MKNK2: variants seen among roughly 807,000 people sequenced by gnomAD.
The protein encoded by MKNK2 is MAPK interacting serine/threonine kinase 2.
Under a neutral mutation model 55.0 loss-of-function variants are expected in MKNK2, and 54 were observed. That is an observed-to-expected ratio of 0.98 (90% confidence interval 0.79 to 1.23). The LOEUF (loss-of-function observed/expected upper bound fraction) is 1.23. Among genes scored for constraint, MKNK2 ranks in the 50% most tolerant of loss-of-function variants. The pLI is 0.00. For missense variants in MKNK2, 685 were observed against 632.1 expected (o/e 1.08, Z -0.90); for synonymous variants, 323 against 256.0 (o/e 1.26, Z -2.50).
chr19:2,038,964 C>G lies in MKNK2; in HGVS notation c.*649G>C, dbSNP rs954836017. ...GACAGACGGGCCTTGCAGGAAGCCC[C>G]GATTGTCAACTATCATGGGGACAAG... On this transcript the variant is annotated 3_prime_UTR_variant, in exon 14 of 14. Transcript: ENST00000250896. The G allele has an allele frequency of 1.0e-6, 1 of 985,464 alleles. No homozygotes were observed. Among genetic ancestry groups the G allele is most frequent in the Admixed American group, 6.2e-5 (1 of 16,230 alleles). The allele number at this position is 985,464 out of a possible 1,614,324, so 61.0% of individuals were successfully genotyped here.
intron 2 of MKNK2, 144 bp downstream of exon 2, chr19:2,050,657 C>A: frequency 1.4e-6 from 1 of 699,366 alleles, no homozygotes; most frequent in East Asian, 3.4e-5. Flanking sequence ...CTTCAGCGCA[C>A]GGCCGGCCCG....
In MKNK2 at chr19:2,039,178, G is replaced by C. The variant is rs956215978; in HGVS notation, c.*435C>G. The C allele has an allele frequency of 9.9e-7, 1 of 1,005,224 alleles. No individual in the cohort carries two copies. Among genetic ancestry groups the C allele is most frequent in the Non-Finnish European group, 1.2e-6 (1 of 842,674 alleles). The allele number at this position is 1,005,224 out of a possible 1,614,324, so 62.3% of individuals were successfully genotyped here. On this transcript the variant is annotated 3_prime_UTR_variant, in exon 14 of 14. Coordinates refer to ENST00000250896, the MANE Select transcript of MKNK2 (RefSeq NM_199054.3). ...AATACTGCGGGCTGGGAGGGAACAC[G>C]AGGGCAGGGTCCTGTGCCCCTCCCC...
intron 5 of MKNK2, among the ~76,000 whole-genome samples, 190 bp downstream of exon 5, chr19:2,045,996 A>G (rs1599383903): frequency 6.6e-6 from 1 of 152,176 alleles, no homozygotes. Context: ...CTCTGTCTGA[A>G]GCCCCCACCC....
In MKNK2 at chr19:2,050,811, C is replaced by A. The variant is rs1425871073; in HGVS notation, c.41G>T (p.Arg14Leu). The A allele has an allele frequency of 6.5e-7, 1 of 1,537,266 alleles. No homozygotes were observed. Among genetic ancestry groups the A allele is most frequent in the Non-Finnish European group, 8.8e-7 (1 of 1,141,686 alleles). Residue 14 changes from arginine (R) to leucine (L), a missense_variant, in exon 2 of 14, where the codon CGT becomes CTT. Transcript: ENST00000250896. ...KKPAELQGFH[R>L]SFKGQNPFEL... The stretch of plus-strand genomic sequence containing the variant: ...GACCCCGGGCCTCACCTTGAACGAA[C>A]GGTGGAAACCCTGAAGTTCGGCTGG...
chr19:2,039,294 G>A lies in MKNK2; in HGVS notation c.*319C>T. The A allele has an allele frequency of 1.7e-6, 2 of 1,202,746 alleles. No homozygotes were observed. Among genetic ancestry groups the A allele is most frequent in the East Asian group, 3.6e-5 (1 of 27,780 alleles). The allele number at this position is 1,202,746 out of a possible 1,614,324, so 74.5% of individuals were successfully genotyped here. ...TGGCGGGCAGCACAGGTGACCTGGGGGCACCTTCATAGTAGAGGTGAGCAG... is the reference window on the plus strand; with the variant it reads ...TGGCGGGCAGCACAGGTGACCTGGGAGCACCTTCATAGTAGAGGTGAGCAG... On this transcript the variant is annotated 3_prime_UTR_variant, in exon 14 of 14. Coordinates refer to ENST00000250896, the MANE Select transcript of MKNK2 (RefSeq NM_199054.3).
Position 2,039,818 on chromosome 19 carries a change from T to C in MKNK2, c.1193A>G (p.Glu398Gly), listed in dbSNP as rs760499115. 1 of 1,603,538 alleles carries C rather than the reference T, an allele frequency of 6.2e-7. No individual in the cohort carries two copies. Among genetic ancestry groups the C allele is most frequent in the Non-Finnish European group, 8.5e-7 (1 of 1,178,300 alleles). Residue 398 changes from glutamate to glycine, a missense_variant, in exon 14 of 14, where the codon GAG (glutamate) becomes GGG (glycine). Glu to Gly is a moderately conservative substitution (Grantham distance 98). Transcript: ENST00000250896. ...CAGCTGCCGGTTCATGGCAATGGCC[T>C]CAGCCGCGAAGGACGTGAGGTCTTT... ...CAKDLTSFAA[E>G]AIAMNRQLAQ...
Position 2,037,963 on chromosome 19 carries a change from C to A in MKNK2, c.*1650G>T. On this transcript the variant is annotated 3_prime_UTR_variant, in exon 14 of 14. Coordinates refer to ENST00000250896, the MANE Select transcript of MKNK2 (RefSeq NM_199054.3). ...TTTGATACAAAAAGGCAGAGAATCC[C>A]CCGTTACGAAACATGGAATCACTGA... The A allele has an allele frequency of 7.2e-7, 1 of 1,382,610 alleles. No homozygotes were observed. Among genetic ancestry groups the A allele is most frequent in the East Asian group, 2.6e-5 (1 of 38,760 alleles). The allele number at this position is 1,382,610 out of a possible 1,614,324, so 85.6% of individuals were successfully genotyped here. A position where few individuals can be genotyped will look rare whatever the true frequency, so the allele number is the denominator to read the frequency against.
At chr19:2,042,699 G>A (rs2016916630) in intron 8 of MKNK2, 37 bp from the exon 9 acceptor site, 2 of 1,551,530 alleles carry the variant, frequency 1.3e-6, no homozygotes, top group Non-Finnish European at 1.7e-6. Context: ...CGGGGTGAGG[G>A]TCTGGAGGTC....
intron 2 of MKNK2, among the ~76,000 whole-genome samples, chr19:2,048,241 C>A (rs908679164): frequency 2.6e-5 from 4 of 152,002 alleles, no homozygotes; most frequent in African/African-American, 9.7e-5. Flanking sequence ...TGGGTCATTT[C>A]TTGACCCAGC....
Position 2,039,784 on chromosome 19 carries a change from G to C in MKNK2, c.1227C>G (p.His409Gln), listed in dbSNP as rs139628647. ...CCTCCTCCTCAGCCAGGTCCTCGTC[G>C]TGCTGGGCCAGCTGCCGGTTCATGG... Reference protein sequence around the residue: ...AIAMNRQLAQHDEDLAEEEAA... With the variant: ...AIAMNRQLAQQDEDLAEEEAA... The change falls in exon 14 of 14, where the codon CAC becomes CAG. Residue 409 changes from histidine to glutamine, a missense_variant. Transcript: ENST00000250896. 6.8e-5 allele frequency: 109 copies of C among 1,607,276 alleles called. No homozygotes were observed. Among genetic ancestry groups the C allele is most frequent in the Non-Finnish European group, 8.3e-5 (98 of 1,179,500 alleles).
intron 2 of MKNK2, among the ~76,000 whole-genome samples, 157 bp downstream of exon 2, chr19:2,050,644 C>T (rs1404693691): frequency 6.6e-6 from 1 of 152,188 alleles, no homozygotes; most frequent in African/African-American, 2.4e-5. Flanking sequence ...CACACCGACC[C>T]CGCTTCAGCG....
In MKNK2 at chr19:2,042,623, C is replaced by G. The variant is rs369980643; in HGVS notation, c.638G>C (p.Cys213Ser). Residue 213 changes from cysteine to serine, a missense_variant, in exon 9 of 14, where the codon TGT becomes TCT. Cys to Ser is a moderately radical substitution (Grantham distance 112). Transcript: ENST00000250896. ...CTGGCCTACCTGGTTGGGGTGCTCACAGAGGATGTTTTCCGGCTTTAGGTC... is the reference window on the plus strand; with the variant it reads ...CTGGCCTACCTGGTTGGGGTGCTCAGAGAGGATGTTTTCCGGCTTTAGGTC... ...HRDLKPENIL[C>S]EHPNQVSPVK... 2 of 1,565,066 alleles carry G rather than the reference C, an allele frequency of 1.3e-6. No individual in the cohort carries two copies. Among genetic ancestry groups the G allele is most frequent in the African/African-American group, 1.3e-5 (1 of 74,108 alleles).
In MKNK2 at chr19:2,042,008, C is replaced by T. The variant is rs781654809; in HGVS notation, c.777G>A (p.Pro259=). 9.7e-6 allele frequency: 15 copies of T among 1,543,200 alleles called. No homozygotes were observed. The highest frequency in any genetic ancestry group is 1.3e-5 in the Non-Finnish European group (15 of 1,145,544). ...CCTCGCTGAAGGCCTCCACTACCTC[C>T]GGGGCCATGTACTCCGCCGAGCCGC... The part of the protein sequence containing the change: ...TPCGSAEYMA[P]EVVEAFSEEA... Residue 259 remains proline, a synonymous_variant, in exon 11 of 14, where the codon CCG becomes CCA. Transcript: ENST00000250896.
chr19:2,037,631 GTT>G lies in MKNK2; in HGVS notation c.*1980_*1981del, dbSNP rs71652796. 0.023 allele frequency: 13,380 copies of G among 582,180 alleles called. No homozygotes were observed. Among genetic ancestry groups the G allele is most frequent in the East Asian group, 0.041 (1,023 of 25,118 alleles). 36.1% of individuals were successfully genotyped at this position (582,180 alleles called of 1,614,324 possible). A position where few individuals can be genotyped will look rare whatever the true frequency, so the allele number is the denominator to read the frequency against. ...CCCCCACTTTAAAAAAACTTTTGAG[GTT>G]TTTTTTTTTTTTTTGTCTTTTAAAA... On this transcript the variant is annotated 3_prime_UTR_variant, in exon 14 of 14. Coordinates refer to ENST00000250896, the MANE Select transcript of MKNK2 (RefSeq NM_199054.3).
At position 2,038,021 on chromosome 19, in the gene MKNK2, G is replaced by A. The variant is rs902071606; in HGVS notation, c.*1592C>T. The A allele has an allele frequency of 1.6e-5, 21 of 1,328,790 alleles. No homozygotes were observed. The highest frequency in any genetic ancestry group is 5.5e-5 in the East Asian group (2 of 36,250). 82.3% of individuals were successfully genotyped at this position (1,328,790 alleles called of 1,614,324 possible). ...GAAGTGATGGGGGAAAGGGGTGGGC[G>A]GAATGCCCCACCCCCCCCAGGGGTC... On this transcript the variant is annotated 3_prime_UTR_variant, in exon 14 of 14. Coordinates refer to ENST00000250896, the MANE Select transcript of MKNK2 (RefSeq NM_199054.3).
In MKNK2 at chr19:2,042,689, CGGG is replaced by C. The variant is rs758257789; in HGVS notation, c.599-30_599-28del. The C allele has an allele frequency of 4.5e-6, 7 of 1,556,562 alleles. No individual in the cohort carries two copies. In the Admixed American group the frequency reaches 1.4e-4, roughly 30 times the overall value. On this transcript the variant is annotated intron_variant, in intron 8 of 13. Transcript: ENST00000250896. Reference sequence around the variant, plus strand: ...TGGGGGAGAAGCCACAGAACCACGACGGGGTGAGGGTCTGGAGGTCTTCCAGGA... The same window carrying C: ...TGGGGGAGAAGCCACAGAACCACGACGTGAGGGTCTGGAGGTCTTCCAGGA...
At position 2,046,301 on chromosome 19, in the gene MKNK2, G is replaced by T; in HGVS notation, c.242-18C>A. On this transcript the variant is annotated intron_variant, in intron 4 of 13. Transcript: ENST00000250896. ...GTAGACGTCTGCCGGGCAGCGGGGCGGGCGTGAGAGGGACCCTGGCTTTTC... is the reference window on the plus strand; with the variant it reads ...GTAGACGTCTGCCGGGCAGCGGGGCTGGCGTGAGAGGGACCCTGGCTTTTC... The T allele has an allele frequency of 6.2e-7, 1 of 1,603,042 alleles. No individual in the cohort carries two copies.
rs564591267 is a variant in MKNK2, at chr19:2,038,391, A to G, written c.*1222T>C. The G allele has an allele frequency of 1.3e-5, 13 of 986,034 alleles. No individual in the cohort carries two copies. Among genetic ancestry groups the G allele is most frequent in the Admixed American group, 1.2e-4 (2 of 16,328 alleles). The allele number at this position is 986,034 out of a possible 1,614,324, so 61.1% of individuals were successfully genotyped here. A position where few individuals can be genotyped will look rare whatever the true frequency, so the allele number is the denominator to read the frequency against. ...GGTGACCCTAGCCGCGCGCACTTCT[A>G]AAGTGGAACCCTGTATTGCATAGAA... On this transcript the variant is annotated 3_prime_UTR_variant, in exon 14 of 14. Transcript: ENST00000250896.
chr19:2,046,691 C>G lies in MKNK2; in HGVS notation c.52G>C (p.Gly18Arg), dbSNP rs772879338. The G allele has an allele frequency of 7.3e-6, 11 of 1,517,206 alleles. No individual in the cohort carries two copies. Among genetic ancestry groups the G allele is most frequent in the Admixed American group, 2.4e-5 (1 of 41,620 alleles). 94.0% of individuals were successfully genotyped at this position (1,517,206 alleles called of 1,614,324 possible). A position where few individuals can be genotyped will look rare whatever the true frequency, so the allele number is the denominator to read the frequency against. The change falls in exon 3 of 14, where the codon GGG becomes CGG. Residue 18 changes from glycine to arginine, a missense_variant and splice_region_variant. Gly to Arg is a moderately radical substitution (Grantham distance 125). Coordinates refer to ENST00000250896, the MANE Select transcript of MKNK2 (RefSeq NM_199054.3). The part of the protein sequence containing the change: ...ELQGFHRSFK[G>R]QNPFELAFSL... ...AAGGCCAGCTCGAAGGGGTTCTGCCCCTGCAGGGGAGAGGAGAGGAGAGGC... is the reference window on the plus strand; with the variant it reads ...AAGGCCAGCTCGAAGGGGTTCTGCCGCTGCAGGGGAGAGGAGAGGAGAGGC...
Sources: allele counts gnomAD v4.1 joint callset (sites outside exome capture counted in the v4.1 genomes callset), GRCh38; gene constraint gnomAD v4.1.1; transcripts MANE v1.5; gene names NCBI Gene and HGNC (gene_info 2026-07-23, HGNC 2026-07-21).